KRT73: variants seen among roughly 807,000 people sequenced by gnomAD.
The protein encoded by KRT73 is keratin, type II cytoskeletal 73.
KRT73 carries 44 observed loss-of-function variants against 47.2 expected under a neutral mutation model. That is an observed-to-expected ratio of 0.93 (90% confidence interval 0.73 to 1.20). The LOEUF is 1.20. Among genes scored for constraint, KRT73 ranks in the 50% most tolerant of loss-of-function variants. KRT73 has a pLI of 0.00. For missense variants in KRT73, 713 were observed against 704.5 expected, an observed-to-expected ratio of 1.01 and a Z score of -0.14; for synonymous variants, 285 against 291.3, an observed-to-expected ratio of 0.98 and a Z score of 0.22.
intron 1 of KRT73, among the ~76,000 whole-genome samples, chr12:52,617,193 T>C (rs1940832061): frequency 6.6e-6 from 1 of 152,116 alleles, no homozygotes. Flanking sequence ...ATCTGAAAAC[T>C]CCTACTCATG....
intron 6 of KRT73, 35 bp from the exon 7 acceptor site, chr12:52,610,870 C>A (rs595624): frequency 1.3e-6 from 2 of 1,548,254 alleles, no homozygotes; most frequent in South Asian, 2.2e-5. Flanking sequence ...CCCTGAGTTC[C>A]TCCCTGGGCC....
At chr12:52,623,064 A>G (rs1487271982), upstream of KRT73, among the ~76,000 whole-genome samples, 1 of 152,236 alleles carries the variant, frequency 6.6e-6, no homozygotes, top group East Asian at 1.9e-4. Context: ...GCTGAAAAAT[A>G]ACTCAAAGAA....
rs1473613262 is a variant in KRT73, at chr12:52,616,347, C to G, written c.481G>C (p.Glu161Gln). Residue 161 changes from glutamate (E) to glutamine (Q), a missense_variant, in exon 2 of 9, where the codon GAG becomes CAG. Glu to Gln is a conservative substitution (Grantham distance 29, BLOSUM62 2). Coordinates refer to ENST00000305748, the MANE Select transcript of KRT73 (RefSeq NM_175068.3). Reference protein sequence around the residue: ...RFLEQQNQVLETKWELLQQLD... With the variant: ...RFLEQQNQVLQTKWELLQQLD... Reference sequence around the variant, plus strand: ...TGCTGTAGCAGCTCCCACTTGGTCTCCAGCACCTGGTTCTGCTGCTCCAGG... The same window carrying G: ...TGCTGTAGCAGCTCCCACTTGGTCTGCAGCACCTGGTTCTGCTGCTCCAGG... The G allele has an allele frequency of 1.2e-6, 2 of 1,614,188 alleles. No homozygotes were observed. The highest frequency in any genetic ancestry group is 1.7e-6 in the Non-Finnish European group (2 of 1,180,040).
At chr12:52,630,200 C>A in the KRT73 span, among the ~76,000 whole-genome samples, 1 of 150,958 alleles carries the variant, frequency 6.6e-6, no homozygotes, top group South Asian at 2.1e-4. Context: ...AAGCCTGAGG[C>A]ACATTTCAGG....
At chr12:52,610,537 C>T in intron 7 of KRT73, 78 bp downstream of exon 7, 1 of 173,422 alleles carries the variant, frequency 5.8e-6, no homozygotes. Context: ...CCGCCCCCTC[C>T]CCCCCGCCCC....
At chr12:52,621,510 G>A (rs665089), upstream of KRT73, among the ~76,000 whole-genome samples, 10,442 of 152,214 alleles carry the variant, frequency 0.069, 833 homozygotes, top group Admixed American at 0.16. Flanking sequence ...TCAGGACCCA[G>A]TGAAAGACAT....
intron 1 of KRT73, among the ~76,000 whole-genome samples, chr12:52,617,542 C>T (rs983533158): frequency 7.2e-5 from 11 of 151,878 alleles, no homozygotes; most frequent in South Asian, 2.1e-4. Flanking sequence ...GTGTGTGTTA[C>T]GGACTGAGTC....
chr12:52,613,039 T>C (rs1437414509), intron 5 of KRT73, among the ~76,000 whole-genome samples: 1 of 152,096 alleles, frequency 6.6e-6, no homozygotes, highest in Non-Finnish European at 1.5e-5. Flanking sequence ...GCCTCTCTCC[T>C]CCACCACTGC....
At chr12:52,628,907 G>C in the KRT73 span, among the ~76,000 whole-genome samples, 2 of 152,246 alleles carry the variant, frequency 1.3e-5, no homozygotes, top group Non-Finnish European at 1.5e-5. Flanking sequence ...TACCAGGAGA[G>C]AGCAGGGCCA....
chr12:52,625,414 C>A, the KRT73 span, among the ~76,000 whole-genome samples: 2 of 152,082 alleles, frequency 1.3e-5, no homozygotes, highest in African/African-American at 4.8e-5. Context: ...TAGAGAAATA[C>A]AAATTTAAGC....
intron 1 of KRT73, among the ~76,000 whole-genome samples, chr12:52,617,832 C>T (rs1940841645): frequency 6.6e-6 from 1 of 152,182 alleles, no homozygotes; most frequent in Non-Finnish European, 1.5e-5. Flanking sequence ...GTCCTGCCTT[C>T]GTCTGCTTCA....
Position 52,618,285 on chromosome 12 carries a change from G to A in KRT73, c.240C>T (p.Gly80=). The A allele has an allele frequency of 6.2e-7, 1 of 1,614,202 alleles. No homozygotes were observed. Among genetic ancestry groups the A allele is most frequent in the South Asian group, 1.1e-5 (1 of 91,076 alleles). Residue 80 remains glycine (G), a synonymous_variant, in exon 1 of 9, where the codon GGC becomes GGT. Transcript: ENST00000305748. ...CACTGCCAAACATGCTGCCAGCAAA[G>A]CCACTGGCCCGGCCCCGGCCAAATC... ...GYGFGRGRAS[G]FAGSMFGSVA...
chr12:52,630,676 T>C, the KRT73 span, among the ~76,000 whole-genome samples: 1 of 152,184 alleles, frequency 6.6e-6, no homozygotes, highest in East Asian at 1.9e-4. Context: ...ACTGCTGAGT[T>C]GGGGTCCCAT....
rs1940775151 is a variant in KRT73, at chr12:52,614,652, C to T, written c.746G>A (p.Ser249Asn). Residue 249 changes from serine (S) to asparagine (N), a missense_variant, in exon 4 of 9, where the codon AGC (serine) becomes AAC (asparagine). Physicochemically the swap from Ser to Asn is conservative, Grantham distance 46 (BLOSUM62 1). Coordinates refer to ENST00000305748, the MANE Select transcript of KRT73 (RefSeq NM_175068.3). ...CACCTTGGCCTGCAGCTCCACTTTG[C>T]TCGTGTAAGCTGCGTCCACGTCCTA... ...LKKDVDAAYT[S>N]KVELQAKVDA... 1 of 1,613,730 alleles carries T rather than the reference C, an allele frequency of 6.2e-7. No individual in the cohort carries two copies. Among genetic ancestry groups the T allele is most frequent in the Non-Finnish European group, 8.5e-7 (1 of 1,179,898 alleles).
At chr12:52,618,703 T>A, upstream of KRT73, 1 of 638,996 alleles carries the variant, frequency 1.6e-6, no homozygotes, top group Non-Finnish European at 2.6e-6. Context: ...AGACACCAGG[T>A]AAATGACTTG....
At chr12:52,614,844 C>G (rs1177988732) in intron 3 of KRT73, 170 bp from the exon 4 acceptor site, 1 of 578,910 alleles carries the variant, frequency 1.7e-6, no homozygotes, top group East Asian at 3.0e-5. Flanking sequence ...CACTGCGAAA[C>G]CTGGGGCAAG....
intron 7 of KRT73, among the ~76,000 whole-genome samples, chr12:52,609,697 T>G (rs933553619): frequency 6.6e-6 from 1 of 152,248 alleles, no homozygotes; most frequent in African/African-American, 2.4e-5. Flanking sequence ...AAATGGTGCT[T>G]GGTTAGAACA....
Position 52,613,750 on chromosome 12 carries a change from C to T in KRT73, c.922G>A (p.Ala308Thr), listed in dbSNP as rs368783182. 6.2e-7 allele frequency: 1 copy of T among 1,614,226 alleles called. No individual in the cohort carries two copies. Among genetic ancestry groups the T allele is most frequent in the African/African-American group, 1.3e-5 (1 of 75,070 alleles). ...TTCCGGGCGATCTCCTCATACTGGG[C>T]ACGGACCTCAGCAATGATGCTGTCC... ...DLDSIIAEVRAQYEEIARKSK... is the reference protein window; with the variant it reads ...DLDSIIAEVRTQYEEIARKSK... The change falls in exon 5 of 9, where the codon GCC becomes ACC. Residue 308 changes from alanine to threonine, a missense_variant. Physicochemically the swap from Ala to Thr is moderately conservative, Grantham distance 58. Coordinates refer to ENST00000305748, the MANE Select transcript of KRT73 (RefSeq NM_175068.3).
chr12:52,618,136 G>A lies in KRT73; in HGVS notation c.389C>T (p.Ala130Val). 2.5e-6 allele frequency: 4 copies of A among 1,613,974 alleles called. No individual in the cohort carries two copies. The South Asian group carries it at 3.3e-5, about 13-fold the overall frequency. ...ELDPEIQKVR[A>V]QEREQIKVLN... ...CACCTTGATCTGCTCCCGCTCCTGG[G>A]CACGCACTTTCTGGATTTCAGGGTC... Residue 130 changes from alanine (A) to valine (V), a missense_variant, in exon 1 of 9, where the codon GCC (alanine) becomes GTC (valine). Ala to Val is a moderately conservative substitution (Grantham distance 64). Coordinates refer to ENST00000305748, the MANE Select transcript of KRT73 (RefSeq NM_175068.3).
Sources: gnomAD v4.1 joint callset for allele counts (sites outside exome capture counted in the v4.1 genomes callset) on GRCh38, gnomAD v4.1.1 for gene constraint, MANE v1.5 for transcripts, NCBI Gene and HGNC (gene_info 2026-07-23, HGNC 2026-07-21) for gene names.